Variants in DUOX1 observed in about 807,000 individuals in gnomAD.
The protein encoded by DUOX1 is dual oxidase 1.
A neutral mutation model predicts 181.8 loss-of-function variants in DUOX1; 134 were observed. The observed-to-expected ratio is 0.74, with a 90% CI of 0.64 to 0.85. The LOEUF is 0.85. DUOX1 is among the 40% of genes least tolerant of loss of function. DUOX1 has a pLI of 0.00. For missense variants in DUOX1, 1,814 were observed against 2,064.4 expected (o/e 0.88, Z 2.35); for synonymous variants, 798 against 832.5 (o/e 0.96, Z 0.71).
intron 3 of DUOX1, 87 bp downstream of exon 3, chr15:45,134,034 G>A (rs1896219041): frequency 5.7e-6 from 9 of 1,572,540 alleles, no homozygotes; most frequent in Non-Finnish European, 6.9e-6. Context: ...ACCAGCAAAG[G>A]CCATCCATTT....
Position 45,163,834 on chromosome 15 carries a change from A to C in DUOX1, c.4449A>C (p.Leu1483=), listed in dbSNP as rs781474187. 4.3e-6 allele frequency: 7 copies of C among 1,614,086 alleles called. No homozygotes were observed. The South Asian group carries it at 7.7e-5, about 18-fold the overall frequency. ...TCCAGAAGGTTCTGAACCGGAGTCTATTCACAGGCCTGCGCTCCATCACCC... is the reference window on the plus strand; with the variant it reads ...TCCAGAAGGTTCTGAACCGGAGTCTCTTCACAGGCCTGCGCTCCATCACCC... ...RHFQKVLNRS[L]FTGLRSITHF... The change falls in exon 33 of 34, where the codon CTA becomes CTC. Residue 1483 remains leucine (L), a synonymous_variant. Transcript: ENST00000389037.
At chr15:45,155,176 G>C (rs1896940251) in intron 27 of DUOX1, among the ~76,000 whole-genome samples, 1 of 152,346 alleles carries the variant, frequency 6.6e-6, no homozygotes, top group East Asian at 1.9e-4. Flanking sequence ...CTTGCACTAG[G>C]CACTAGGATT....
intron 27 of DUOX1, among the ~76,000 whole-genome samples, chr15:45,154,773 C>G (rs763903573): frequency 3.9e-5 from 6 of 152,164 alleles, no homozygotes; most frequent in Non-Finnish European, 5.9e-5. Context: ...CTTCAGGGCT[C>G]TAATCTTCTT....
At chr15:45,153,523 T>C (rs772125319) in intron 26 of DUOX1, 44 bp downstream of exon 26, 2 of 1,079,034 alleles carry the variant, frequency 1.9e-6, no homozygotes, top group Admixed American at 1.9e-5. Flanking sequence ...TGTGTGTGTG[T>C]GTGTGTGTGT....
At chr15:45,152,930 C>T in intron 25 of DUOX1, 1 of 329,652 alleles carries the variant, frequency 3.0e-6, no homozygotes, top group Non-Finnish European at 5.7e-6. Context: ...GTTTAGAGGT[C>T]AGAAGTCCAG....
chr15:45,137,330 G>A (rs1464289463), intron 9 of DUOX1, among the ~76,000 whole-genome samples: 9 of 133,580 alleles, frequency 6.7e-5, no homozygotes, highest in East Asian at 2.4e-4. Flanking sequence ...ATTGCACTCC[G>A]GCCTGGACAA....
intron 23 of DUOX1, 26 bp downstream of exon 23, chr15:45,151,274 C>T: frequency 3.1e-6 from 5 of 1,608,168 alleles, no homozygotes; most frequent in Non-Finnish European, 4.2e-6. Context: ...CCCTTAAGCC[C>T]AGGCAGTTCA....
chr15:45,152,132 T>C (rs1401568578), intron 24 of DUOX1, 80 bp downstream of exon 24: 2 of 1,536,548 alleles, frequency 1.3e-6, no homozygotes, highest in African/African-American at 2.7e-5. Context: ...CTGCGATAAG[T>C]GCCAGCCCTG....
chr15:45,139,264 G>T (rs745517390), intron 11 of DUOX1, 96 bp downstream of exon 11: 1 of 1,606,346 alleles, frequency 6.2e-7, no homozygotes, highest in Non-Finnish European at 8.5e-7. Context: ...GGTGCCTGGG[G>T]CTGGGAGCCT....
At position 45,151,113 on chromosome 15, in the gene DUOX1, C is replaced by A; in HGVS notation, c.2889-10C>A. 6.2e-7 allele frequency: 1 copy of A among 1,613,872 alleles called. No individual in the cohort carries two copies. The highest frequency in any genetic ancestry group is 8.5e-7 in the Non-Finnish European group (1 of 1,179,874). ...GGCCAGCATCCTATCTCTTACCATTCTTGTCTTAGTCCCTCTCCCAGAGTG... is the reference window on the plus strand; with the variant it reads ...GGCCAGCATCCTATCTCTTACCATTATTGTCTTAGTCCCTCTCCCAGAGTG... On this transcript the variant is annotated splice_polypyrimidine_tract_variant and intron_variant, in intron 22 of 33. Transcript: ENST00000389037.
At position 45,144,203 on chromosome 15, in the gene DUOX1, C is replaced by G; in HGVS notation, c.2104C>G (p.Leu702Val). ...VLSSNRGRRT[L>V]LLKIPKEYDL... ...GTCCAGCAACCGTGGACGCCGCACT[C>G]TGCTGCTCAAGATCCCCAAGGAGTA... The change falls in exon 17 of 34, where the codon CTG (leucine) becomes GTG (valine). Residue 702 changes from leucine to valine, a missense_variant. By Grantham distance (32) the Leu-to-Val change is conservative. Transcript: ENST00000389037. The G allele has an allele frequency of 6.2e-7, 1 of 1,614,130 alleles. No homozygotes were observed.
Position 45,133,892 on chromosome 15 carries a change from G to T in DUOX1, c.87G>T (p.Val29=). 6.2e-7 allele frequency: 1 copy of T among 1,613,964 alleles called. No homozygotes were observed. The highest frequency in any genetic ancestry group is 8.5e-7 in the Non-Finnish European group (1 of 1,179,948). Residue 29 remains valine, a synonymous_variant, in exon 3 of 34, where the codon GTG becomes GTT. Coordinates refer to ENST00000389037, the MANE Select transcript of DUOX1 (RefSeq NM_175940.3). ...LGAQNPISWE[V]QRFDGWYNNL... is the part of the protein sequence containing the mutation. ...CTCAGAACCCCATTTCGTGGGAGGT[G>T]CAGCGATTTGATGGGTGGTACAACA...
intron 27 of DUOX1, 104 bp from the exon 28 acceptor site, chr15:45,155,698 A>C: frequency 6.5e-7 from 1 of 1,536,222 alleles, no homozygotes; most frequent in Non-Finnish European, 8.9e-7. Context: ...GGACATTCTT[A>C]CTCCAACTTG....
Position 45,150,114 on chromosome 15 carries a change from C to T in DUOX1, c.2819-518C>T, listed in dbSNP as rs116551883. On this transcript the variant is annotated intron_variant, in intron 21 of 33. Transcript: ENST00000389037. ...GGCTTTGCAGCTTAGTCCTGCCCTGCCTTCAGTGCTCAGCCTAGACAGGAA... is the reference window on the plus strand; with the variant it reads ...GGCTTTGCAGCTTAGTCCTGCCCTGTCTTCAGTGCTCAGCCTAGACAGGAA... Among the ~76,000 whole-genome samples the T allele has an allele frequency of 7.8e-3, 1,184 of 152,316 alleles. 13 individuals are homozygous for T. Among genetic ancestry groups the T allele is most frequent in the African/African-American group, 0.026 (1,099 of 41,556 alleles).
chr15:45,154,067 C>T, intron 27 of DUOX1, 67 bp downstream of exon 27: 2 of 1,451,994 alleles, frequency 1.4e-6, no homozygotes, highest in Non-Finnish European at 1.9e-6. Context: ...GGGTTCTCTG[C>T]ACCCCAGAGC....
At chr15:45,156,184 C>T (rs890621244) in intron 28 of DUOX1, among the ~76,000 whole-genome samples, 2 of 152,172 alleles carry the variant, frequency 1.3e-5, no homozygotes, top group Non-Finnish European at 1.5e-5. Flanking sequence ...CTCCATTCCT[C>T]GCAGACACCT....
chr15:45,139,194 T>A (rs971263108), intron 11 of DUOX1, 26 bp downstream of exon 11: 1 of 1,613,956 alleles, frequency 6.2e-7, no homozygotes, highest in African/African-American at 1.3e-5. Flanking sequence ...TCCCTGCAGG[T>A]TGTGAACTCC....
intron 21 of DUOX1, among the ~76,000 whole-genome samples, chr15:45,149,957 A>G (rs1896760650): frequency 6.6e-6 from 1 of 152,262 alleles, no homozygotes. Context: ...ACTTTGTTTT[A>G]AACATTCTGA....
intron 10 of DUOX1, among the ~76,000 whole-genome samples, chr15:45,138,341 T>C (rs775872513): frequency 3.4e-4 from 52 of 152,288 alleles, no homozygotes; most frequent in Non-Finnish European, 6.9e-4. Context: ...TCCCTCTCCT[T>C]CGACAGCTTT....
Sources: allele counts gnomAD v4.1 joint callset (sites outside exome capture counted in the v4.1 genomes callset), GRCh38; gene constraint gnomAD v4.1.1; transcripts MANE v1.5; gene names NCBI Gene and HGNC (gene_info 2026-07-23, HGNC 2026-07-21).